RNF220: variants seen among roughly 807,000 people sequenced by gnomAD.
RNF220 encodes the protein ring finger protein 220, also known as E3 ubiquitin-protein ligase RNF220.
A neutral mutation model predicts 67.1 loss-of-function variants in RNF220; 7 were observed. The observed-to-expected ratio is 0.10, with a 90% CI of 0.06 to 0.20. The LOEUF (loss-of-function observed/expected upper bound fraction) is 0.20. Among genes scored for constraint, RNF220 ranks in the 10% least tolerant of loss-of-function variants. The probability of loss-of-function intolerance (pLI) is 1.00; values close to 1 mark genes in which losing one functional copy is unlikely to be tolerated. For missense variants in RNF220, 565 were observed against 740.3 expected (o/e 0.76, Z 2.75); for synonymous variants, 270 against 283.2 (o/e 0.95, Z 0.47).
intron 2 of RNF220, among the ~76,000 whole-genome samples, chr1:44,419,120 A>G (rs1648929622): frequency 6.6e-6 from 1 of 152,244 alleles, no homozygotes; most frequent in African/African-American, 2.4e-5. Context: ...CCCGTCTTAA[A>G]GAGAGATGAA....
intron 2 of RNF220, among the ~76,000 whole-genome samples, chr1:44,588,861 T>C (rs951205471): frequency 2.0e-5 from 3 of 152,224 alleles, no homozygotes; most frequent in East Asian, 3.9e-4. Context: ...CATCAGTTTC[T>C]AGTGGCTCTC....
chr1:44,511,988 G>A (rs940462657), intron 2 of RNF220, among the ~76,000 whole-genome samples: 1 of 150,418 alleles, frequency 6.6e-6, no homozygotes, highest in East Asian at 1.9e-4. Context: ...ACAGAATAGC[G>A]CTAAGTGATC....
In RNF220 at chr1:44,626,422, A is replaced by G. The variant is rs200410424; in HGVS notation, c.906+24A>G. On this transcript the variant is annotated intron_variant, in intron 5 of 14. Coordinates refer to ENST00000361799, the MANE Select transcript of RNF220 (RefSeq NM_018150.4). ...AGGTGAGGAGGGGTGGTGAGTGGCC[A>G]TGAGAAGCAAGCTCACCTGGGGGAG... 282 of 1,582,876 alleles carry G rather than the reference A, an allele frequency of 1.8e-4. No homozygotes were observed. The Middle Eastern group carries it at 7.4e-3, about 42-fold the overall frequency.
chr1:44,618,632 C>G (rs1160284317), intron 3 of RNF220, among the ~76,000 whole-genome samples: 1 of 152,120 alleles, frequency 6.6e-6, no homozygotes, highest in Non-Finnish European at 1.5e-5. Flanking sequence ...GGAGGACGTC[C>G]TTGATGGGGT....
chr1:44,457,761 T>TCA (rs2147948265), intron 2 of RNF220, among the ~76,000 whole-genome samples: 1 of 152,276 alleles, frequency 6.6e-6, no homozygotes, highest in African/African-American at 2.4e-5. Context: ...TTAATCAAAG[T>TCA]CAGTTAAAGT....
At chr1:44,635,628 CAGG>C (rs1250512644) in intron 7 of RNF220, 40 bp downstream of exon 7, 1 of 1,614,148 alleles carries the variant, frequency 6.2e-7, no homozygotes, top group Non-Finnish European at 8.5e-7. Context: ...AGGATCGGAG[CAGG>C]AGATGAGTAG....
chr1:44,490,970 A>G (rs191931407), intron 2 of RNF220, among the ~76,000 whole-genome samples: 2 of 152,320 alleles, frequency 1.3e-5, no homozygotes, highest in East Asian at 3.9e-4. Flanking sequence ...ATATGCCAAA[A>G]AGTTAGATAA....
chr1:44,405,550 G>T lies in RNF220; in HGVS notation c.-118+20G>T. On this transcript the variant is annotated intron_variant, in intron 1 of 14. Coordinates refer to ENST00000361799, the MANE Select transcript of RNF220 (RefSeq NM_018150.4). The stretch of plus-strand genomic sequence containing the variant: ...CGGCAAGTATGGAGATCAGAAAGGG[G>T]TGTGGACGTGTGTGCGTACCCAAGA... The T allele has an allele frequency of 7.8e-6, 3 of 386,394 alleles. No individual in the cohort carries two copies. Among genetic ancestry groups the T allele is most frequent in the Non-Finnish European group, 1.4e-5 (3 of 213,462 alleles). The allele number at this position is 386,394 out of a possible 1,614,324, so 23.9% of individuals were successfully genotyped here.
At chr1:44,595,827 A>G (rs1396836607) in intron 2 of RNF220, among the ~76,000 whole-genome samples, 2 of 151,888 alleles carry the variant, frequency 1.3e-5, no homozygotes, top group Non-Finnish European at 1.5e-5. Flanking sequence ...GCAGTGGCGC[A>G]ATCTCAGCTC....
At chr1:44,642,188 G>T (rs1644506528) in intron 8 of RNF220, among the ~76,000 whole-genome samples, 1 of 152,224 alleles carries the variant, frequency 6.6e-6, no homozygotes. Context: ...ATATGATTTT[G>T]GAGTTACACA....
chr1:44,501,615 G>A (rs1433668542), intron 2 of RNF220, among the ~76,000 whole-genome samples: 1 of 149,054 alleles, frequency 6.7e-6, no homozygotes, highest in Non-Finnish European at 1.5e-5. Flanking sequence ...TCTTCCTTTT[G>A]CATGCCTTAC....
At chr1:44,439,171 C>T (rs1049292314) in intron 2 of RNF220, among the ~76,000 whole-genome samples, 5 of 152,120 alleles carry the variant, frequency 3.3e-5, no homozygotes, top group East Asian at 1.9e-4. Flanking sequence ...ATCTTTATGC[C>T]GCTTGCCGGA....
intron 2 of RNF220, among the ~76,000 whole-genome samples, chr1:44,509,028 T>A (rs1391373074): frequency 1.3e-5 from 2 of 152,150 alleles, no homozygotes; most frequent in Non-Finnish European, 2.9e-5. Flanking sequence ...GATTCCACGG[T>A]CCTCACTCCT....
chr1:44,563,826 A>G (rs1663778620), intron 2 of RNF220, among the ~76,000 whole-genome samples: 2 of 152,128 alleles, frequency 1.3e-5, no homozygotes, highest in Non-Finnish European at 2.9e-5. Flanking sequence ...CCTAACCTCT[A>G]TGACTGCTCC....
intron 2 of RNF220, among the ~76,000 whole-genome samples, chr1:44,585,669 G>A (rs143484496): frequency 1.3e-5 from 2 of 152,312 alleles, no homozygotes; most frequent in East Asian, 1.9e-4. Context: ...CAGAGACCAC[G>A]AGAAGTTAAA....
chr1:44,413,915 G>A (rs994465928), intron 2 of RNF220, among the ~76,000 whole-genome samples: 3 of 152,200 alleles, frequency 2.0e-5, no homozygotes, highest in African/African-American at 4.8e-5. Context: ...ACTTCCCTGC[G>A]CTAAAAGGCA....
At chr1:44,411,945 C>G in intron 1 of RNF220, 36 bp from the exon 2 acceptor site, 1 of 802,240 alleles carries the variant, frequency 1.2e-6, no homozygotes, top group Non-Finnish European at 1.9e-6. Context: ...CCTGACTTTC[C>G]TCCCCCTTCT....
rs570413573 is a variant in RNF220 at position 44,573,115 on chromosome 1, AT to A, written c.626-41048del. On this transcript the variant is annotated intron_variant, in intron 2 of 14. Transcript: ENST00000361799. ...ATAATGATATAATATAAATTATATA[AT>A]TATTATAAGAGTAATAATGGCTATT... 7.4e-4 allele frequency: 122 copies of A among 164,184 alleles called. 3 individuals are homozygous for A. The South Asian group carries it at 0.015, about 21-fold the overall frequency. 10.2% of individuals were successfully genotyped at this position (164,184 alleles called of 1,614,324 possible). A position where few individuals can be genotyped will look rare whatever the true frequency, so the allele number is the denominator to read the frequency against.
At chr1:44,634,550 T>G (rs941248204) in intron 6 of RNF220, among the ~76,000 whole-genome samples, 2 of 152,176 alleles carry the variant, frequency 1.3e-5, no homozygotes, top group African/African-American at 2.4e-5. Context: ...TTGGGGAACC[T>G]TTCCCTCCTT....
Sources: gnomAD v4.1 joint callset for allele counts (sites outside exome capture counted in the v4.1 genomes callset) on GRCh38, gnomAD v4.1.1 for gene constraint, MANE v1.5 for transcripts, NCBI Gene and HGNC (gene_info 2026-07-23, HGNC 2026-07-21) for gene names.